NLGN1: variants seen among roughly 807,000 people sequenced by gnomAD.
NLGN1 encodes neuroligin 1.
In NLGN1, 12 loss-of-function variants were observed where a neutral mutation model predicts 65.5. That is an observed-to-expected ratio of 0.18 (90% CI 0.12 to 0.30). The LOEUF is 0.30. Among genes scored for constraint, NLGN1 ranks in the 10% least tolerant of loss-of-function variants. The pLI is 1.00. For missense variants in NLGN1, 750 were observed against 1,007.1 expected, an observed-to-expected ratio of 0.74 and a Z score of 3.46; for synonymous variants, 350 against 359.5, an observed-to-expected ratio of 0.97 and a Z score of 0.30.
chr3:174,208,168 T>G (rs756731722), intron 4 of NLGN1, among the ~76,000 whole-genome samples: 7 of 152,226 alleles, frequency 4.6e-5, no homozygotes, highest in Non-Finnish European at 1.0e-4. Context: ...GCTTCCTGCG[T>G]GACCACCCAA....
At chr3:174,154,087 A>G (rs1021881742) in intron 4 of NLGN1, among the ~76,000 whole-genome samples, 1 of 152,088 alleles carries the variant, frequency 6.6e-6, no homozygotes, top group African/African-American at 2.4e-5. Flanking sequence ...ATGATAATTC[A>G]TCTTTATTGA....
At chr3:173,652,928 AC>A (rs1759436521) in intron 3 of NLGN1, among the ~76,000 whole-genome samples, 1 of 151,824 alleles carries the variant, frequency 6.6e-6, no homozygotes, top group Non-Finnish European at 1.5e-5. Context: ...CTTTCCTCAG[AC>A]TTTTGTAGCT....
chr3:173,621,377 C>T (rs185523147), intron 3 of NLGN1, among the ~76,000 whole-genome samples: 2 of 151,986 alleles, frequency 1.3e-5, no homozygotes, highest in Admixed American at 6.6e-5. Context: ...TTGGTAAAGT[C>T]GGGAGACAGT....
At chr3:173,701,686 T>G (rs1767185866) in intron 3 of NLGN1, among the ~76,000 whole-genome samples, 1 of 152,212 alleles carries the variant, frequency 6.6e-6, no homozygotes, top group Admixed American at 6.5e-5. Context: ...AGGTTTGAAT[T>G]AGAACAGAGT....
chr3:173,661,858 C>A (rs1365881399), intron 3 of NLGN1, among the ~76,000 whole-genome samples: 3 of 151,944 alleles, frequency 2.0e-5, no homozygotes, highest in Non-Finnish European at 2.9e-5. Context: ...CTGTTTATAC[C>A]ATGAGCATGG....
intron 2 of NLGN1, among the ~76,000 whole-genome samples, chr3:173,503,497 T>C (rs555922880): frequency 1.3e-5 from 2 of 152,208 alleles, no homozygotes; most frequent in South Asian, 4.1e-4. Flanking sequence ...AAAACGAAGT[T>C]GTACATGAGA....
intron 4 of NLGN1, among the ~76,000 whole-genome samples, chr3:174,072,359 T>C (rs1270010685): frequency 2.0e-5 from 3 of 152,122 alleles, no homozygotes; most frequent in East Asian, 1.9e-4. Context: ...AAAGATGGCA[T>C]TGTAAGATAG....
At chr3:173,585,102 C>G (rs139930477) in intron 2 of NLGN1, 1 of 152,202 alleles carries the variant, frequency 6.6e-6, no homozygotes, top group Non-Finnish European at 1.5e-5. Flanking sequence ...GAAGGTGATG[C>G]GGACGCGGTG....
chr3:174,272,362 A>G (rs1749560444), intron 4 of NLGN1, among the ~76,000 whole-genome samples: 1 of 151,772 alleles, frequency 6.6e-6, no homozygotes, highest in East Asian at 1.9e-4. Flanking sequence ...AATGCTGTCA[A>G]TGTACATCAC....
chr3:174,136,425 C>T (rs1019373040), intron 4 of NLGN1: 1 of 151,988 alleles, frequency 6.6e-6, no homozygotes, highest in Non-Finnish European at 1.5e-5. Flanking sequence ...GTCACAAAGC[C>T]ATATAAGATA....
chr3:173,476,563 A>C (rs1288234699), intron 2 of NLGN1, among the ~76,000 whole-genome samples: 1 of 152,118 alleles, frequency 6.6e-6, no homozygotes, highest in Non-Finnish European at 1.5e-5. Flanking sequence ...GCGTTTGGGG[A>C]ACTGTGTAAT....
chr3:173,860,519 T>C (rs1728846968), intron 4 of NLGN1, among the ~76,000 whole-genome samples: 1 of 152,206 alleles, frequency 6.6e-6, no homozygotes, highest in Non-Finnish European at 1.5e-5. Context: ...AAATACTTTC[T>C]AAGATTAATA....
At chr3:173,734,894 T>A in intron 3 of NLGN1, among the ~76,000 whole-genome samples, 1 of 152,130 alleles carries the variant, frequency 6.6e-6, no homozygotes, top group Non-Finnish European at 1.5e-5. Context: ...AACGGCAGAA[T>A]AAAGAGCATG....
At chr3:174,187,213 C>G (rs1731569576) in intron 4 of NLGN1, among the ~76,000 whole-genome samples, 1 of 151,698 alleles carries the variant, frequency 6.6e-6, no homozygotes, top group African/African-American at 2.4e-5. Flanking sequence ...TATGGGGGTC[C>G]TACTGTAGAG....
intron 4 of NLGN1, among the ~76,000 whole-genome samples, chr3:173,991,537 T>C (rs1721099880): frequency 6.6e-6 from 1 of 152,200 alleles, no homozygotes; most frequent in African/African-American, 2.4e-5. Context: ...GCACTTGATA[T>C]GTGGTTTGTG....
At chr3:174,031,045 A>C (rs571369670) in intron 4 of NLGN1, among the ~76,000 whole-genome samples, 19 of 152,324 alleles carry the variant, frequency 1.2e-4, no homozygotes, top group African/African-American at 4.1e-4. Flanking sequence ...ATGGAAGAGT[A>C]AAACATTTTA....
chr3:173,977,099 ACACACACG>A (rs1717644059), intron 4 of NLGN1, among the ~76,000 whole-genome samples: 1 of 145,260 alleles, frequency 6.9e-6, no homozygotes, highest in African/African-American at 2.5e-5. Flanking sequence ...AGATACACAC[ACACACACG>A]CACACACACA....
intron 2 of NLGN1, among the ~76,000 whole-genome samples, chr3:173,487,560 G>GT (rs1388223573): frequency 6.6e-6 from 1 of 151,782 alleles, no homozygotes; most frequent in Non-Finnish European, 1.5e-5. Context: ...ACCTATCTAT[G>GT]TTAAAATTGT....
chr3:173,500,549 G>A (rs1472947197), intron 2 of NLGN1, among the ~76,000 whole-genome samples: 4 of 152,032 alleles, frequency 2.6e-5, no homozygotes, highest in African/African-American at 9.7e-5. Flanking sequence ...TTTGGTATCA[G>A]GATAATGCTG....
Sources: gnomAD v4.1 joint callset for allele counts (sites outside exome capture counted in the v4.1 genomes callset) on GRCh38, gnomAD v4.1.1 for gene constraint, MANE v1.5 for transcripts, NCBI Gene and HGNC (gene_info 2026-07-23, HGNC 2026-07-21) for gene names.